The following KMT2C variants were observed in gnomAD, a reference collection of about 807,000 sequenced individuals.
The protein encoded by KMT2C is lysine methyltransferase 2C, also known as histone-lysine N-methyltransferase 2C.
Under a neutral mutation model 507.9 loss-of-function variants are expected in KMT2C, and 88 were observed. The observed-to-expected ratio is 0.17, with a 90% CI of 0.15 to 0.21. The LOEUF is 0.21. KMT2C is among the 10% of genes least tolerant of loss of function. The probability of loss-of-function intolerance (pLI) is 1.00; values close to 1 mark genes in which losing one functional copy is unlikely to be tolerated. For missense variants in KMT2C, 4,954 were observed against 5,957.8 expected (o/e 0.83, Z 5.55); for synonymous variants, 2,049 against 2,080.8 (o/e 0.98, Z 0.42).
At chr7:152,285,881 A>T (rs2096287936) in intron 6 of KMT2C, among the ~76,000 whole-genome samples, 1 of 152,190 alleles carries the variant, frequency 6.6e-6, no homozygotes, top group African/African-American at 2.4e-5. Context: ...GCTACTTGAG[A>T]GGCTGAGGCA....
intron 1 of KMT2C, among the ~76,000 whole-genome samples, chr7:152,407,743 C>G (rs77449892): frequency 7.1e-6 from 1 of 141,636 alleles, no homozygotes; most frequent in Non-Finnish European, 1.5e-5. Context: ...AACTATATCA[C>G]GTCTTTTACT....
intron 44 of KMT2C, chr7:152,157,682 C>T (rs911820322): frequency 8.5e-6 from 8 of 940,526 alleles, no homozygotes; most frequent in African/African-American, 1.8e-5. Flanking sequence ...AAACTAAATA[C>T]AAAAATAAGA....
chr7:152,400,205 G>A (rs1483434211), intron 1 of KMT2C, among the ~76,000 whole-genome samples: 2 of 152,024 alleles, frequency 1.3e-5, no homozygotes, highest in Non-Finnish European at 2.9e-5. Context: ...CCAGTTACCT[G>A]GGAGGCTGAA....
chr7:152,178,096 C>T (rs2129116198), intron 37 of KMT2C, 86 bp from the exon 38 acceptor site: 1 of 1,266,038 alleles, frequency 7.9e-7, no homozygotes, highest in Non-Finnish European at 1.0e-6. Flanking sequence ...GAAAAGTCTT[C>T]AATTAAACTG....
intron 3 of KMT2C, among the ~76,000 whole-genome samples, chr7:152,315,643 A>T (rs1203647296): frequency 6.6e-6 from 1 of 152,204 alleles, no homozygotes; most frequent in Non-Finnish European, 1.5e-5. Context: ...AATCCAAGTA[A>T]GAAAGCTAAA....
intron 1 of KMT2C, among the ~76,000 whole-genome samples, chr7:152,388,377 G>A (rs200986993): frequency 6.6e-6 from 1 of 151,974 alleles, no homozygotes; most frequent in Admixed American, 6.6e-5. Context: ...TTGTCGACAT[G>A]GTGAAACCCC....
In KMT2C at chr7:152,144,555, C is replaced by G. The variant is rs2090920452; in HGVS notation, c.14343+158G>C. Among the ~76,000 whole-genome samples the G allele has an allele frequency of 6.6e-6, 1 of 152,136 alleles. No homozygotes were observed. The highest frequency in any genetic ancestry group is 2.4e-5 in the African/African-American group (1 of 41,424). On this transcript the variant is annotated intron_variant, in intron 55 of 58. Transcript: ENST00000262189. This position sits in a 1 kb window ranked among gnomAD's most constrained non-coding sequence, Gnocchi z 4.4. ...AAGTCCCAAGACTACATATTAAATC[C>G]CTAGTGTTACCAAGGGACAGGATTT...
intron 1 of KMT2C, among the ~76,000 whole-genome samples, chr7:152,372,653 C>A (rs1363422520): frequency 6.6e-6 from 1 of 152,136 alleles, no homozygotes; most frequent in African/African-American, 2.4e-5. Flanking sequence ...GAGGTCAATT[C>A]ATCAGGAGAA....
rs2129117953 is a variant in KMT2C, at chr7:152,179,876, G to A, written c.7400C>T (p.Pro2467Leu). 6.2e-7 allele frequency: 1 copy of A among 1,614,080 alleles called. No homozygotes were observed. The highest frequency in any genetic ancestry group is 8.5e-7 in the Non-Finnish European group (1 of 1,179,964). ...VFPKDQRGPY[P>L]PDVASMGMRP... The stretch of plus-strand genomic sequence containing the variant: ...CATCCCCATACTAGCAACATCAGGA[G>A]GATAGGGTCCACGCTGATCTTTTGG... Residue 2467 changes from proline to leucine, a missense_variant, in exon 37 of 59, where the codon CCT (proline) becomes CTT (leucine). By Grantham distance (98) the Pro-to-Leu change is moderately conservative (BLOSUM62 -3). Coordinates refer to ENST00000262189, the MANE Select transcript of KMT2C (RefSeq NM_170606.3).
At chr7:152,369,652 T>C (rs927227050) in intron 1 of KMT2C, among the ~76,000 whole-genome samples, 4 of 152,074 alleles carry the variant, frequency 2.6e-5, no homozygotes, top group African/African-American at 9.7e-5. Flanking sequence ...CAAGAGTAGG[T>C]TGTTATAAAG....
At chr7:152,267,877 G>C (rs1281937769) in intron 7 of KMT2C, among the ~76,000 whole-genome samples, 1 of 150,642 alleles carries the variant, frequency 6.6e-6, no homozygotes, top group Non-Finnish European at 1.5e-5. Flanking sequence ...GTCATGGTGG[G>C]TTGTCTGCCA....
At chr7:152,139,634 T>C (rs768766119) in intron 56 of KMT2C, 41 bp downstream of exon 56, 2 of 1,305,218 alleles carry the variant, frequency 1.5e-6, no homozygotes, top group Non-Finnish European at 2.2e-6. Context: ...AGGGAGAGGA[T>C]GATGGTGCTG....
In KMT2C at chr7:152,148,397, T is replaced by C. The variant is rs1369517206; in HGVS notation, c.13530A>G (p.Gly4510=). The C allele has an allele frequency of 6.2e-7, 1 of 1,614,248 alleles. No individual in the cohort carries two copies. Residue 4510 remains glycine (G), a synonymous_variant, in exon 52 of 59, where the codon GGA becomes GGG. Transcript: ENST00000262189. This position sits in a 1 kb window ranked among gnomAD's most constrained non-coding sequence, Gnocchi z 7.1. ...TMLCPMHKPK[G]IHEQELSYFA... ...AGTAACTTAATTCTTGCTCATGAATTCCCTTTGGTTTGTGCATGGGGCAAA... is the reference window on the plus strand; with the variant it reads ...AGTAACTTAATTCTTGCTCATGAATCCCCTTTGGTTTGTGCATGGGGCAAA...
intron 51 of KMT2C, among the ~76,000 whole-genome samples, chr7:152,149,517 A>G (rs1384831122): frequency 1.3e-5 from 2 of 152,274 alleles, no homozygotes; most frequent in Admixed American, 6.5e-5. Flanking sequence ...AAGAGCTAAT[A>G]TAATTTGTAC....
chr7:152,415,164 A>C (rs1259769238), intron 1 of KMT2C, among the ~76,000 whole-genome samples: 1 of 152,192 alleles, frequency 6.6e-6, no homozygotes, highest in African/African-American at 2.4e-5. Flanking sequence ...GAAAGAGAGG[A>C]CTTATTACTA....
Position 152,178,651 on chromosome 7 carries a change from G to A in KMT2C, c.7443-641C>T, listed in dbSNP as rs1239003915. Among the ~76,000 whole-genome samples the A allele has an allele frequency of 2.0e-5, 3 of 151,856 alleles. No individual in the cohort carries two copies. The East Asian group carries it at 5.8e-4, about 29-fold the overall frequency. ...TAGCAAGAGGCATAAATTATAACAA[G>A]GTGGAAGAAAAAAGGGAAATTAAGA... On this transcript the variant is annotated intron_variant, in intron 37 of 58. Transcript: ENST00000262189.
chr7:152,149,476 A>G (rs1372375107), intron 51 of KMT2C, among the ~76,000 whole-genome samples: 1 of 152,258 alleles, frequency 6.6e-6, no homozygotes, highest in Non-Finnish European at 1.5e-5. Context: ...CAGAAAAAGA[A>G]AAAACACACA....
chr7:152,153,952 C>T (rs1587730833), intron 48 of KMT2C, 58 bp downstream of exon 48: 1 of 1,544,458 alleles, frequency 6.5e-7, no homozygotes, highest in East Asian at 2.2e-5. Context: ...GACACCTGAC[C>T]CATCTTTGAA....
chr7:152,190,153 TG>T (rs1442647986), intron 31 of KMT2C, among the ~76,000 whole-genome samples: 1 of 152,110 alleles, frequency 6.6e-6, no homozygotes, highest in Non-Finnish European at 1.5e-5. Flanking sequence ...TGTGAAAAAA[TG>T]GTCTTCCTTG....
Sources: gnomAD v4.1 joint callset for allele counts (sites outside exome capture counted in the v4.1 genomes callset) on GRCh38, gnomAD v4.1.1 for gene constraint, Gnocchi (gnomAD v3.1) non-coding constraint, MANE v1.5 for transcripts, NCBI Gene and HGNC (gene_info 2026-07-23, HGNC 2026-07-21) for gene names.